SLC22A4: variants seen among roughly 807,000 people sequenced by gnomAD.
SLC22A4 encodes solute carrier family 22 member 4, also known as ET transporter.
Under a neutral mutation model 56.6 loss-of-function variants are expected in SLC22A4, and 39 were observed. The observed-to-expected ratio is 0.69, with a 90% CI of 0.53 to 0.90. SLC22A4 has a LOEUF of 0.90. Ranked by LOEUF, SLC22A4 falls within the 40% of genes least tolerant of loss-of-function variation. The pLI is 0.00. For synonymous variants in SLC22A4, 241 were observed against 281.4 expected, an observed-to-expected ratio of 0.86 and a Z score of 1.44; for missense variants, 594 against 696.5, an observed-to-expected ratio of 0.85 and a Z score of 1.66.
At chr5:132,325,771 G>A (rs1337683353) in intron 4 of SLC22A4, among the ~76,000 whole-genome samples, 4 of 152,198 alleles carry the variant, frequency 2.6e-5, no homozygotes, top group African/African-American at 9.7e-5. Flanking sequence ...GAGGTAGGAG[G>A]CCAGACACGA....
intron 1 of SLC22A4, among the ~76,000 whole-genome samples, chr5:132,296,143 T>C (rs929293765): frequency 1.2e-4 from 18 of 152,146 alleles, no homozygotes; most frequent in African/African-American, 3.4e-4. Flanking sequence ...TGTGGGACAA[T>C]AGGTGGAGGA....
intron 3 of SLC22A4, among the ~76,000 whole-genome samples, chr5:132,315,819 CT>C (rs1750334610): frequency 6.6e-6 from 1 of 152,174 alleles, no homozygotes; most frequent in Non-Finnish European, 1.5e-5. Flanking sequence ...CTCCATTGTG[CT>C]CTGCAGGAAA....
intron 1 of SLC22A4, among the ~76,000 whole-genome samples, chr5:132,304,079 G>GA (rs1749968681): frequency 6.6e-6 from 1 of 152,240 alleles, no homozygotes; most frequent in East Asian, 1.9e-4. Context: ...AGTTTACCAG[G>GA]AAAAAACAGA....
At chr5:132,296,597 C>G (rs1026895913) in intron 1 of SLC22A4, among the ~76,000 whole-genome samples, 36 of 152,264 alleles carry the variant, frequency 2.4e-4, no homozygotes, top group Non-Finnish European at 2.9e-4. Flanking sequence ...GGCACCATAC[C>G]TACCCTGGGC....
At chr5:132,320,128 G>A (rs777561084) in intron 3 of SLC22A4, among the ~76,000 whole-genome samples, 2 of 152,220 alleles carry the variant, frequency 1.3e-5, no homozygotes, top group Non-Finnish European at 2.9e-5. Context: ...GACCTACAAA[G>A]TCTCTGTCCC....
rs55779142 is a variant in SLC22A4 at position 132,306,384 on chromosome 5, AATATATAT to A, written c.394-5725_394-5718del. On this transcript the variant is annotated intron_variant, in intron 1 of 9. Coordinates refer to ENST00000200652, the MANE Select transcript of SLC22A4 (RefSeq NM_003059.3). ...AAAACGTGGTAGACCCAAACCGTGAAATATATATATATATATATATATATATATATATA... is the reference window on the plus strand; with the variant it reads ...AAAACGTGGTAGACCCAAACCGTGAAATATATATATATATATATATATATA... Among the ~76,000 whole-genome samples the A allele has an allele frequency of 7.4e-3, 224 of 30,440 alleles. 1 individual carries two copies. Among genetic ancestry groups the A allele is most frequent in the Non-Finnish European group, 0.013 (166 of 13,222 alleles). The allele number at this position is 30,440 out of a possible 152,430, so 20.0% of individuals were successfully genotyped here.
chr5:132,294,551 C>T lies in SLC22A4; in HGVS notation c.-66C>T. The T allele has an allele frequency of 6.2e-7, 1 of 1,610,994 alleles. No individual in the cohort carries two copies. The highest frequency in any genetic ancestry group is 8.5e-7 in the Non-Finnish European group (1 of 1,178,548). ...ACATCCTTGGGGAGCGCCCCAGCTA[C>T]AAGACACTGTCCTGAGAACGCTGTC... is the stretch of plus-strand genomic sequence containing the variant. On this transcript the variant is annotated 5_prime_UTR_variant, in exon 1 of 10. Coordinates refer to ENST00000200652, the MANE Select transcript of SLC22A4 (RefSeq NM_003059.3). This position sits in a 1 kb window ranked among gnomAD's most constrained non-coding sequence, Gnocchi z 5.6.
intron 1 of SLC22A4, among the ~76,000 whole-genome samples, chr5:132,300,304 G>A (rs1414305316): frequency 6.6e-6 from 1 of 152,114 alleles, no homozygotes; most frequent in African/African-American, 2.4e-5. Flanking sequence ...TGCTGTAAAG[G>A]TACTATTTTT....
intron 8 of SLC22A4, among the ~76,000 whole-genome samples, chr5:132,337,740 T>C (rs959272630): frequency 4.8e-4 from 66 of 138,078 alleles, no homozygotes; most frequent in Admixed American, 1.1e-3. Flanking sequence ...TCTTTGCCCC[T>C]TTTTTTTTTT....
intron 1 of SLC22A4, chr5:132,311,951 C>T: frequency 1.6e-6 from 1 of 621,774 alleles, no homozygotes; most frequent in Non-Finnish European, 2.9e-6. Context: ...TCAGGGAGGG[C>T]AGTGACCTGC....
At chr5:132,319,237 G>A (rs769473970) in intron 3 of SLC22A4, among the ~76,000 whole-genome samples, 3 of 150,746 alleles carry the variant, frequency 2.0e-5, no homozygotes, top group African/African-American at 7.4e-5. Flanking sequence ...AGGAGGAAGA[G>A]GTTACAGTAA....
Position 132,335,920 on chromosome 5 carries a change from T to G in SLC22A4, c.1364T>G (p.Leu455Arg), listed in dbSNP as rs1369489678. 1.9e-6 allele frequency: 3 copies of G among 1,614,134 alleles called. No individual in the cohort carries two copies. Among genetic ancestry groups the G allele is most frequent in the Non-Finnish European group, 2.5e-6 (3 of 1,180,006 alleles). Residue 455 changes from leucine (L) to arginine (R), a missense_variant, in exon 8 of 10, where the codon CTG becomes CGG. Transcript: ENST00000200652. ...TTCACTGCTGAGCTCTACCCAACCC[T>G]GGTCAGGAACATGGCGGTGGGGGTC... The part of the protein sequence containing the change: ...YVFTAELYPT[L>R]VRNMAVGVTS...
chr5:132,310,143 T>G (rs973925944), intron 1 of SLC22A4, among the ~76,000 whole-genome samples: 6 of 152,200 alleles, frequency 3.9e-5, no homozygotes, highest in Admixed American at 3.3e-4. Flanking sequence ...TGTCCTGCCT[T>G]AGGGAGTATA....
chr5:132,316,403 T>A (rs1750358504), intron 3 of SLC22A4, among the ~76,000 whole-genome samples: 1 of 152,152 alleles, frequency 6.6e-6, no homozygotes, highest in Non-Finnish European at 1.5e-5. Context: ...ACACTAACCC[T>A]ACCCACGTTC....
chr5:132,338,566 T>TGCAACCGTAAAAG, intron 8 of SLC22A4, among the ~76,000 whole-genome samples: 1 of 152,312 alleles, frequency 6.6e-6, no homozygotes, highest in East Asian at 1.9e-4. Flanking sequence ...TCCCTACAGC[T>TGCAACCGTAAAAG]ACAACCGTAA....
chr5:132,303,194 A>G (rs1749945032), intron 1 of SLC22A4, among the ~76,000 whole-genome samples: 1 of 152,256 alleles, frequency 6.6e-6, no homozygotes, highest in African/African-American at 2.4e-5. Context: ...AATACAAATC[A>G]ATTAGCACAT....
At chr5:132,314,053 G>T (rs1750264013) in intron 3 of SLC22A4, among the ~76,000 whole-genome samples, 1 of 152,248 alleles carries the variant, frequency 6.6e-6, no homozygotes, top group South Asian at 2.1e-4. Context: ...CAGGGCTTAA[G>T]AGAGGCACAG....
intron 3 of SLC22A4, among the ~76,000 whole-genome samples, chr5:132,317,851 C>T (rs1460194108): frequency 6.6e-6 from 1 of 152,200 alleles, no homozygotes; most frequent in African/African-American, 2.4e-5. Context: ...TCAAAATCTC[C>T]AAGGGATGAG....
Position 132,298,968 on chromosome 5 carries a change from C to T in SLC22A4, c.393+3959C>T, listed in dbSNP as rs540739458. On this transcript the variant is annotated intron_variant, in intron 1 of 9. Transcript: ENST00000200652. ...TCAGAGAATAGAACACAAGTCCAAA[C>T]CCATACTGACTTGGCCAGTGCCAGT... Among the ~76,000 whole-genome samples, 9 of 152,366 alleles carry T rather than the reference C, an allele frequency of 5.9e-5. No homozygotes were observed. The East Asian group carries it at 1.7e-3, about 29-fold the overall frequency.
Sources: gnomAD v4.1 joint callset for allele counts (sites outside exome capture counted in the v4.1 genomes callset) on GRCh38, gnomAD v4.1.1 for gene constraint, Gnocchi (gnomAD v3.1) non-coding constraint, MANE v1.5 for transcripts, NCBI Gene and HGNC (gene_info 2026-07-23, HGNC 2026-07-21) for gene names.